The following ARHGAP44 variants were observed in gnomAD, a reference collection of about 807,000 sequenced individuals.
ARHGAP44 encodes rho GTPase-activating protein 44.
A neutral mutation model predicts 106.8 loss-of-function variants in ARHGAP44; 43 were observed. The observed-to-expected ratio is 0.40, with a 90% CI of 0.32 to 0.52. The LOEUF (loss-of-function observed/expected upper bound fraction) is 0.52. ARHGAP44 is among the 20% of genes least tolerant of loss of function. The pLI is 0.48. For synonymous variants in ARHGAP44, 439 were observed against 410.3 expected, an observed-to-expected ratio of 1.07 and a Z score of -0.85; for missense variants, 866 against 1,050.5, an observed-to-expected ratio of 0.82 and a Z score of 2.43.
chr17:12,868,002 A>T (rs1358715209), intron 1 of ARHGAP44, among the ~76,000 whole-genome samples: 1 of 152,212 alleles, frequency 6.6e-6, no homozygotes, highest in Non-Finnish European at 1.5e-5. Context: ...ATTTGCAGTG[A>T]CAAAGAGACG....
intron 3 of ARHGAP44, among the ~76,000 whole-genome samples, chr17:12,902,009 T>G (rs903286460): frequency 4.6e-5 from 7 of 152,028 alleles, no homozygotes; most frequent in Non-Finnish European, 7.4e-5. Flanking sequence ...CCCAAACCCT[T>G]CCCTCCTCCT....
rs557156673 is a variant in ARHGAP44, at chr17:12,865,776, G to A, written c.54-29164G>A. 4.3e-5 allele frequency among the ~76,000 whole-genome samples: 6 copies of A among 138,726 alleles called. No individual in the cohort carries two copies. The South Asian group carries it at 1.4e-3, about 33-fold the overall frequency. The allele number at this position is 138,726 out of a possible 152,430, so 91.0% of individuals were successfully genotyped here. ...TGCACTCCAGCCTGGGCAACAGAGCGAGACTCATCTCAAGAAAAAAAAAAA... is the reference window on the plus strand; with the variant it reads ...TGCACTCCAGCCTGGGCAACAGAGCAAGACTCATCTCAAGAAAAAAAAAAA... On this transcript the variant is annotated intron_variant, in intron 1 of 20. Coordinates refer to ENST00000379672, the MANE Select transcript of ARHGAP44 (RefSeq NM_014859.6).
At chr17:12,895,221 C>T (rs2037168689) in intron 2 of ARHGAP44, among the ~76,000 whole-genome samples, 1 of 152,110 alleles carries the variant, frequency 6.6e-6, no homozygotes, top group African/African-American at 2.4e-5. Context: ...ACTGCTCCAG[C>T]TGCTCCTTAC....
In ARHGAP44 at chr17:12,984,863, G is replaced by T; in HGVS notation, c.2272G>T (p.Ala758Ser). The change falls in exon 20 of 21, where the codon GCC becomes TCC. Residue 758 changes from alanine to serine, a missense_variant. Ala to Ser is a moderately conservative substitution (Grantham distance 99). Transcript: ENST00000379672. ...LSASSPQSTE[A>S]PMLDGMSPGE... ...GGCCTCTAGTCCACAGTCCACGGAG[G>T]CCCCCATGCTAGATGGCATGTCCCC... The T allele has an allele frequency of 6.2e-7, 1 of 1,613,878 alleles. No individual in the cohort carries two copies. Among genetic ancestry groups the T allele is most frequent in the Non-Finnish European group, 8.5e-7 (1 of 1,179,822 alleles).
At chr17:12,974,781 A>G (rs973583247) in intron 18 of ARHGAP44, among the ~76,000 whole-genome samples, 5 of 152,212 alleles carry the variant, frequency 3.3e-5, no homozygotes, top group South Asian at 2.1e-4. Context: ...GACATAAGCA[A>G]TAACTGGTAA....
intron 16 of ARHGAP44, among the ~76,000 whole-genome samples, chr17:12,967,218 A>T (rs1451610180): frequency 6.9e-6 from 1 of 145,344 alleles, no homozygotes; most frequent in African/African-American, 2.6e-5. Context: ...CGGGGTGTGA[A>T]TCAGAAGATC....
chr17:12,946,922 C>T (rs2038866702), intron 10 of ARHGAP44, among the ~76,000 whole-genome samples: 1 of 152,200 alleles, frequency 6.6e-6, no homozygotes, highest in African/African-American at 2.4e-5. Context: ...GCTCCCGTCT[C>T]TGCCCTTTCT....
chr17:12,944,933 A>G (rs2038811935), intron 10 of ARHGAP44, among the ~76,000 whole-genome samples: 1 of 152,072 alleles, frequency 6.6e-6, no homozygotes. Flanking sequence ...CAACTCTTAT[A>G]GAGATCCTGA....
At chr17:12,845,832 G>T (rs1169515905) in intron 1 of ARHGAP44, among the ~76,000 whole-genome samples, 1 of 152,190 alleles carries the variant, frequency 6.6e-6, no homozygotes, top group African/African-American at 2.4e-5. Flanking sequence ...TGTAACTCAA[G>T]AAATCCACAG....
rs547452618 is a variant in ARHGAP44, at chr17:12,975,595, G to A, written c.1763+1285G>A. On this transcript the variant is annotated intron_variant, in intron 18 of 20. Coordinates refer to ENST00000379672, the MANE Select transcript of ARHGAP44 (RefSeq NM_014859.6). ...GGGTGGATCACGAGGTCAGGAGATC[G>A]AGACCATCCTGGCTAACACGGTGAA... Among the ~76,000 whole-genome samples, 11 of 151,908 alleles carry A rather than the reference G, an allele frequency of 7.2e-5. No homozygotes were observed. In the South Asian group the frequency reaches 1.3e-3, roughly 17 times the overall value.
chr17:12,826,567 A>G (rs969375347), intron 1 of ARHGAP44, among the ~76,000 whole-genome samples: 1 of 152,132 alleles, frequency 6.6e-6, no homozygotes, highest in Non-Finnish European at 1.5e-5. Flanking sequence ...TTTATTGGCC[A>G]TTTTGGCGAC....
At chr17:12,971,215 A>G (rs1418989092) in intron 16 of ARHGAP44, among the ~76,000 whole-genome samples, 1 of 152,122 alleles carries the variant, frequency 6.6e-6, no homozygotes, top group African/African-American at 2.4e-5. Context: ...TACCTACCCC[A>G]TGCCCAAGCT....
chr17:12,848,469 T>C (rs968634509), intron 1 of ARHGAP44, among the ~76,000 whole-genome samples: 1 of 152,216 alleles, frequency 6.6e-6, no homozygotes, highest in South Asian at 2.1e-4. Context: ...ATTTGTTGAT[T>C]GGGTATGAAA....
chr17:12,940,511 G>C (rs1283923060), intron 7 of ARHGAP44, among the ~76,000 whole-genome samples: 1 of 152,180 alleles, frequency 6.6e-6, no homozygotes, highest in African/African-American at 2.4e-5. Flanking sequence ...CATGAGTCCA[G>C]ATTTTGCCAA....
chr17:12,870,329 A>G (rs1236778052), intron 1 of ARHGAP44, among the ~76,000 whole-genome samples: 1 of 152,122 alleles, frequency 6.6e-6, no homozygotes. Flanking sequence ...GGTACAAGCC[A>G]CTGTGCCCAG....
intron 3 of ARHGAP44, among the ~76,000 whole-genome samples, chr17:12,903,126 G>GAGGA (rs57334058): frequency 6.2e-4 from 44 of 70,698 alleles, no homozygotes; most frequent in South Asian, 4.7e-3. Flanking sequence ...GAGAGAGAGA[G>GAGGA]GAGAGAGAGA....
At chr17:12,909,023 A>T in intron 4 of ARHGAP44, 50 bp downstream of exon 4, 1 of 1,488,420 alleles carries the variant, frequency 6.7e-7, no homozygotes, top group East Asian at 2.4e-5. Context: ...GTAAGTCCCC[A>T]TCCGTGAAAA....
chr17:12,990,632 G>T lies in ARHGAP44; in HGVS notation c.*461G>T, dbSNP rs2040108480. On this transcript the variant is annotated 3_prime_UTR_variant, in exon 21 of 21. Coordinates refer to ENST00000379672, the MANE Select transcript of ARHGAP44 (RefSeq NM_014859.6). ...CACAGAAAGGAAGCAGGACAGCAGG[G>T]CCCCTCTCACCCACAACTGGACCAG... The T allele has an allele frequency of 6.4e-6, 1 of 157,028 alleles. No homozygotes were observed. The highest frequency in any genetic ancestry group is 1.4e-5 in the Non-Finnish European group (1 of 70,632). 9.7% of individuals were successfully genotyped at this position (157,028 alleles called of 1,614,324 possible).
intron 1 of ARHGAP44, among the ~76,000 whole-genome samples, chr17:12,861,990 G>T (rs997411194): frequency 6.6e-6 from 1 of 152,064 alleles, no homozygotes; most frequent in Non-Finnish European, 1.5e-5. Context: ...TGGATCATCT[G>T]CAGACTCTGC....
Sources: gnomAD v4.1 joint callset for allele counts (sites outside exome capture counted in the v4.1 genomes callset) on GRCh38, gnomAD v4.1.1 for gene constraint, MANE v1.5 for transcripts, NCBI Gene and HGNC (gene_info 2026-07-23, HGNC 2026-07-21) for gene names.